Variants in NOP14 observed in about 807,000 individuals in gnomAD.
NOP14 encodes nucleolar protein 14.
Under a neutral mutation model 101.6 loss-of-function variants are expected in NOP14, and 57 were observed. The ratio of observed to expected loss-of-function variants is 0.56; its 90% CI spans 0.45 to 0.70. The LOEUF (loss-of-function observed/expected upper bound fraction) is 0.70, where lower values mean the gene tolerates loss of function less well. Ranked by LOEUF, NOP14 falls within the 30% of genes least tolerant of loss-of-function variation. The pLI, the probability that NOP14 is intolerant of heterozygous loss-of-function variation, is 0.00. For synonymous variants in NOP14, 428 were observed against 424.0 expected, an observed-to-expected ratio of 1.01 and a Z score of -0.12; for missense variants, 1,134 against 1,075.5, an observed-to-expected ratio of 1.05 and a Z score of -0.76.
chr4:2,950,145 G>C lies in NOP14; in HGVS notation c.1071C>G (p.Ser357Arg). Residue 357 changes from serine to arginine, a missense_variant, in exon 8 of 18, where the codon AGC becomes AGG. Coordinates refer to ENST00000416614, the MANE Select transcript of NOP14 (RefSeq NM_001291978.2). ...EQSKEASDPE[S>R]NEEEGDSSGG... ...CTGAACTGTCACCTTCTTCCTCGTT[G>C]CTCTCAGGGTCACTGGCTTCCTTGC... is the stretch of plus-strand genomic sequence containing the variant. 1 of 1,614,064 alleles carries C rather than the reference G, an allele frequency of 6.2e-7. No homozygotes were observed. Among genetic ancestry groups the C allele is most frequent in the East Asian group, 2.2e-5 (1 of 44,872 alleles).
intron 5 of NOP14, 39 bp from the exon 6 acceptor site, chr4:2,952,436 A>G (rs575232334): frequency 3.3e-6 from 5 of 1,503,958 alleles, no homozygotes; most frequent in Non-Finnish European, 4.5e-6. Context: ...TTAAAAATAT[A>G]TTTATTTCTT....
intron 8 of NOP14, among the ~76,000 whole-genome samples, 196 bp from the exon 9 acceptor site, chr4:2,948,604 G>A (rs1317042324): frequency 3.3e-5 from 5 of 152,088 alleles, no homozygotes; most frequent in Admixed American, 6.5e-5. Context: ...ACAGGCACTC[G>A]CCACCATGCC....
chr4:2,949,890 T>A (rs1276144528), intron 8 of NOP14, 44 bp downstream of exon 8: 7 of 1,610,738 alleles, frequency 4.3e-6, no homozygotes, highest in Admixed American at 3.3e-5. Flanking sequence ...GGCCAGGTCA[T>A]AAAGGTTATC....
Position 2,946,486 on chromosome 4 carries a change from G to C in NOP14, c.1561C>G (p.Leu521Val). 1 of 1,614,188 alleles carries C rather than the reference G, an allele frequency of 6.2e-7. No individual in the cohort carries two copies. Among genetic ancestry groups the C allele is most frequent in the East Asian group, 2.2e-5 (1 of 44,894 alleles). Reference protein sequence around the residue: ...ESASDAIKFVLRDAMHEMEEM... With the variant: ...ESASDAIKFVVRDAMHEMEEM... ...TCCATCTCATGCATCGCATCTCGGA[G>C]AACAAATTTGATAGCGTCACTTGCA... The change falls in exon 11 of 18, where the codon CTC (leucine) becomes GTC (valine). Residue 521 changes from leucine (L) to valine (V), a missense_variant. Physicochemically the swap from Leu to Val is conservative, Grantham distance 32 (BLOSUM62 1). Coordinates refer to ENST00000416614, the MANE Select transcript of NOP14 (RefSeq NM_001291978.2).
chr4:2,957,703 T>C lies in NOP14; in HGVS notation c.233A>G (p.Asp78Gly), dbSNP rs772135776. The C allele has an allele frequency of 3.1e-6, 5 of 1,614,176 alleles. No homozygotes were observed. The highest frequency in any genetic ancestry group is 2.2e-5 in the East Asian group (1 of 44,888). Residue 78 changes from aspartate to glycine, a missense_variant, in exon 2 of 18, where the codon GAT (aspartate) becomes GGT (glycine). Coordinates refer to ENST00000416614, the MANE Select transcript of NOP14 (RefSeq NM_001291978.2). ...TTTATCTCTGAATACATTGGATTTA[T>C]CCCTTTCTTTGTACTCTTTTAGTAA... Reference protein sequence around the residue: ...QTLLKEYKERDKSNVFRDKRF... With the variant: ...QTLLKEYKERGKSNVFRDKRF...
At chr4:2,941,804 T>G (rs1714219248) in intron 14 of NOP14, 75 bp from the exon 15 acceptor site, 4 of 1,505,450 alleles carry the variant, frequency 2.7e-6, no homozygotes, top group Non-Finnish European at 3.6e-6. Context: ...GTGGCAAAAA[T>G]GAACTTCCCC....
chr4:2,947,003 C>T (rs1171173951), intron 10 of NOP14: 9 of 214,766 alleles, frequency 4.2e-5, no homozygotes. Context: ...AGGACTCTGC[C>T]CCTCTGGCAT....
At chr4:2,951,397 A>G in intron 6 of NOP14, 152 bp from the exon 7 acceptor site, 1 of 629,458 alleles carries the variant, frequency 1.6e-6, no homozygotes, top group East Asian at 2.6e-5. Context: ...GCAGTTTTCA[A>G]TCAGGCATGC....
chr4:2,948,450 T>G, intron 8 of NOP14, 42 bp from the exon 9 acceptor site: 2 of 1,416,950 alleles, frequency 1.4e-6, no homozygotes, highest in South Asian at 2.8e-5. Flanking sequence ...AACATTTATA[T>G]ATATGTATAT....
intron 15 of NOP14, chr4:2,941,365 C>G: frequency 3.6e-6 from 2 of 555,848 alleles, no homozygotes; most frequent in Non-Finnish European, 3.2e-6. Flanking sequence ...CAGTTCCCAG[C>G]TGCCGCCTGA....
intron 3 of NOP14, among the ~76,000 whole-genome samples, chr4:2,954,898 AGC>A: frequency 6.6e-6 from 1 of 151,810 alleles, no homozygotes; most frequent in Non-Finnish European, 1.5e-5. Context: ...TCTTGGTGGG[AGC>A]GTCGCCCAGG....
chr4:2,943,051 C>T (rs1280491947), intron 13 of NOP14, among the ~76,000 whole-genome samples: 2 of 152,212 alleles, frequency 1.3e-5, no homozygotes, highest in African/African-American at 2.4e-5. Flanking sequence ...TGTTCCGTCA[C>T]AGCCCTTCAC....
rs1577868825 is a variant in NOP14, at chr4:2,963,126, T to C, written c.194A>G (p.Lys65Arg). ...PGVSRARALR[K>R]RTQTLLKEYK... ...GCTCCCCGTGCGCCCCCCGCTTACC[T>C]TCCTGAGGGCCCGTGCGCGAGACAC... Residue 65 changes from lysine (K) to arginine (R), a missense_variant and splice_region_variant, in exon 1 of 18, where the codon AAG becomes AGG. Coordinates refer to ENST00000416614, the MANE Select transcript of NOP14 (RefSeq NM_001291978.2). 6.4e-7 allele frequency: 1 copy of C among 1,550,696 alleles called. No individual in the cohort carries two copies. The highest frequency in any genetic ancestry group is 8.7e-7 in the Non-Finnish European group (1 of 1,150,802).
At chr4:2,954,784 T>C (rs956316773) in intron 3 of NOP14, among the ~76,000 whole-genome samples, 1 of 151,856 alleles carries the variant, frequency 6.6e-6, no homozygotes, top group Non-Finnish European at 1.5e-5. Context: ...CCCATTACAC[T>C]CCCAACTGGC....
At chr4:2,950,418 C>T (rs2109305328) in intron 7 of NOP14, 1 of 607,674 alleles carries the variant, frequency 1.6e-6, no homozygotes, top group East Asian at 2.8e-5. Flanking sequence ...GAGCTACAGG[C>T]TGCTAGAGAA....
At chr4:2,944,548 A>C (rs960716392) in intron 12 of NOP14, among the ~76,000 whole-genome samples, 5 of 152,154 alleles carry the variant, frequency 3.3e-5, no homozygotes, top group African/African-American at 1.2e-4. Context: ...CTGGGATTAC[A>C]GGCATGTGGC....
intron 13 of NOP14, among the ~76,000 whole-genome samples, chr4:2,942,563 G>T (rs529821902): frequency 1.3e-5 from 2 of 152,332 alleles, no homozygotes; most frequent in African/African-American, 2.4e-5. Context: ...TGAGAGCCAA[G>T]TGCCTGATCC....
chr4:2,952,380 C>T lies in NOP14; in HGVS notation c.765G>A (p.Met255Ile), dbSNP rs772245167. 3 of 1,612,662 alleles carry T rather than the reference C, an allele frequency of 1.9e-6. No individual in the cohort carries two copies. Among genetic ancestry groups the T allele is most frequent in the Non-Finnish European group, 2.5e-6 (3 of 1,179,016 alleles). Residue 255 changes from methionine to isoleucine, a missense_variant, in exon 6 of 18, where the codon ATG becomes ATA. Met to Ile is a conservative substitution (Grantham distance 10). Transcript: ENST00000416614. Reference sequence around the variant, plus strand: ...TTTCAAAGCCAAGCTCGCGAACCATCATGTCATATGCATCGGGCTAAGGTA... The same window carrying T: ...TTTCAAAGCCAAGCTCGCGAACCATTATGTCATATGCATCGGGCTAAGGTA... The part of the protein sequence containing the change: ...KEKPKPDAYD[M>I]MVRELGFEMK...
At chr4:2,957,381 C>T (rs1042514014) in intron 2 of NOP14, among the ~76,000 whole-genome samples, 2 of 152,232 alleles carry the variant, frequency 1.3e-5, no homozygotes, top group African/African-American at 4.8e-5. Flanking sequence ...CCTGTGCACA[C>T]TGCTGCCGTG....
Sources: allele counts gnomAD v4.1 joint callset (sites outside exome capture counted in the v4.1 genomes callset), GRCh38; gene constraint gnomAD v4.1.1; transcripts MANE v1.5; gene names NCBI Gene and HGNC (gene_info 2026-07-23, HGNC 2026-07-21).